COL24A1: variants seen among roughly 807,000 people sequenced by gnomAD.
COL24A1 encodes the protein collagen type XXIV alpha 1 chain.
Under a neutral mutation model 253.9 loss-of-function variants are expected in COL24A1, and 224 were observed. The observed-to-expected ratio is 0.88, with a 90% CI of 0.79 to 0.99. The LOEUF is 0.99. Among genes scored for constraint, COL24A1 ranks in the 50% least tolerant of loss-of-function variants. COL24A1 has a pLI of 0.00. For synonymous variants in COL24A1, 685 were observed against 673.7 expected, an observed-to-expected ratio of 1.02 and a Z score of -0.26; for missense variants, 2,131 against 2,068.5, an observed-to-expected ratio of 1.03 and a Z score of -0.59.
At chr1:86,116,231 C>T (rs958682690) in intron 3 of COL24A1, among the ~76,000 whole-genome samples, 1 of 152,146 alleles carries the variant, frequency 6.6e-6, no homozygotes, top group African/African-American at 2.4e-5. Context: ...GCATACCATA[C>T]ACATATTCCA....
At chr1:86,079,512 A>C (rs916161112) in intron 7 of COL24A1, among the ~76,000 whole-genome samples, 10 of 152,216 alleles carry the variant, frequency 6.6e-5, no homozygotes, top group African/African-American at 2.4e-4. Context: ...TAAAGTGAAG[A>C]AACAACCCAG....
At chr1:86,109,996 T>C (rs1705382870) in intron 5 of COL24A1, among the ~76,000 whole-genome samples, 1 of 152,188 alleles carries the variant, frequency 6.6e-6, no homozygotes, top group African/African-American at 2.4e-5. Context: ...AATCTTCTGG[T>C]GCTCTAATCT....
intron 3 of COL24A1, among the ~76,000 whole-genome samples, chr1:86,123,257 G>C (rs1647667099): frequency 6.6e-6 from 1 of 151,794 alleles, no homozygotes; most frequent in East Asian, 1.9e-4. Context: ...TAGAGCCTAG[G>C]TCATAACTAA....
At chr1:85,822,540 A>G (rs1010302890) in intron 45 of COL24A1, among the ~76,000 whole-genome samples, 1 of 152,350 alleles carries the variant, frequency 6.6e-6, no homozygotes. Context: ...GACTAAATTC[A>G]GTAAACCAAC....
chr1:85,878,816 G>A (rs930673515), intron 32 of COL24A1, among the ~76,000 whole-genome samples: 3 of 152,044 alleles, frequency 2.0e-5, no homozygotes, highest in African/African-American at 7.2e-5. Flanking sequence ...GTTTTAATTT[G>A]TAATTTACTA....
rs778584990 is a variant in COL24A1 at position 85,896,345 on chromosome 1, T to C, written c.2832+11A>G. ...TTAACTACATATGAAATGAGAAAAA[T>C]CAATGATTACCTTGGCACCTTGTAT... On this transcript the variant is annotated intron_variant, in intron 29 of 59. Transcript: ENST00000370571. 9.9e-6 allele frequency: 16 copies of C among 1,610,854 alleles called. No homozygotes were observed. Among genetic ancestry groups the C allele is most frequent in the African/African-American group, 1.3e-5 (1 of 74,962 alleles).
chr1:85,823,429 A>G (rs1290673972), intron 45 of COL24A1, 107 bp downstream of exon 45: 6 of 1,028,782 alleles, frequency 5.8e-6, no homozygotes, highest in Non-Finnish European at 8.9e-6. Flanking sequence ...CATATTCTAC[A>G]GTGATAAATG....
intron 43 of COL24A1, 45 bp downstream of exon 43, chr1:85,838,539 AG>A: frequency 2.0e-6 from 3 of 1,524,590 alleles, no homozygotes; most frequent in Non-Finnish European, 2.7e-6. Context: ...AGAAACACAG[AG>A]AACCCTATTT....
intron 2 of COL24A1, among the ~76,000 whole-genome samples, chr1:86,139,683 TCTCA>T (rs778124949): frequency 6.6e-6 from 1 of 151,444 alleles, no homozygotes; most frequent in Non-Finnish European, 1.5e-5. Context: ...TTTAATGAAT[TCTCA>T]CTGTTTAAAA....
chr1:85,975,804 G>A (rs2100809298), intron 20 of COL24A1, among the ~76,000 whole-genome samples: 1 of 152,340 alleles, frequency 6.6e-6, no homozygotes. Flanking sequence ...TTCCCAAAGT[G>A]TGTGAGGGGG....
intron 47 of COL24A1, among the ~76,000 whole-genome samples, chr1:85,815,056 T>A (rs998937824): frequency 6.6e-6 from 1 of 152,188 alleles, no homozygotes; most frequent in Admixed American, 6.5e-5. Flanking sequence ...ATTGGGTCCA[T>A]CCACCCCACC....
At chr1:85,920,310 G>T (rs1686324039) in intron 24 of COL24A1, among the ~76,000 whole-genome samples, 1 of 152,210 alleles carries the variant, frequency 6.6e-6, no homozygotes. Context: ...AATGGTGAAA[G>T]TGTATTCCAA....
chr1:86,106,129 CAAA>C (rs1704961364), intron 5 of COL24A1, among the ~76,000 whole-genome samples: 1 of 152,032 alleles, frequency 6.6e-6, no homozygotes, highest in Non-Finnish European at 1.5e-5. Flanking sequence ...TGACCCACTA[CAAA>C]ATTCTTCTTG....
chr1:85,973,782 T>C (rs1344290458), intron 20 of COL24A1, among the ~76,000 whole-genome samples: 3 of 152,170 alleles, frequency 2.0e-5, no homozygotes, highest in Non-Finnish European at 1.5e-5. Context: ...AAATCTAGGC[T>C]ACTTTTTCTC....
chr1:86,073,720 G>T (rs1027181958), intron 7 of COL24A1, among the ~76,000 whole-genome samples: 1 of 152,172 alleles, frequency 6.6e-6, no homozygotes, highest in African/African-American at 2.4e-5. Context: ...CAGCCAGAGA[G>T]AAAGGTCAGG....
intron 1 of COL24A1, among the ~76,000 whole-genome samples, chr1:86,152,994 T>A (rs1420315294): frequency 6.6e-6 from 1 of 152,164 alleles, no homozygotes; most frequent in Non-Finnish European, 1.5e-5. Context: ...TGGTCTCTGT[T>A]TATCTCTCCA....
chr1:86,034,075 A>G (rs1005382818), intron 12 of COL24A1, 152 bp from the exon 13 acceptor site: 2 of 523,970 alleles, frequency 3.8e-6, no homozygotes, highest in African/African-American at 2.0e-5. Context: ...CGCTTAATTG[A>G]TTTTAAATAC....
chr1:85,838,809 GAAC>G (rs1422764726), intron 42 of COL24A1, among the ~76,000 whole-genome samples, 171 bp from the exon 43 acceptor site: 8 of 152,040 alleles, frequency 5.3e-5, no homozygotes, highest in Non-Finnish European at 1.0e-4. Context: ...ATGATACCAA[GAAC>G]AACATCAAAA....
intron 24 of COL24A1, among the ~76,000 whole-genome samples, chr1:85,935,898 T>A (rs920766842): frequency 6.8e-6 from 1 of 147,392 alleles, no homozygotes; most frequent in Admixed American, 6.8e-5. Flanking sequence ...AACCCTGCAA[T>A]AAGCTCCTTC....
Sources: gnomAD v4.1 joint callset for allele counts (sites outside exome capture counted in the v4.1 genomes callset) on GRCh38, gnomAD v4.1.1 for gene constraint, MANE v1.5 for transcripts, NCBI Gene and HGNC (gene_info 2026-07-23, HGNC 2026-07-21) for gene names.